The following USP34 variants were observed in gnomAD, a reference collection of about 807,000 sequenced individuals.
USP34 encodes ubiquitin specific peptidase 34, also known as ubiquitin carboxyl-terminal hydrolase 34.
Under a neutral mutation model 460.3 loss-of-function variants are expected in USP34, and 70 were observed. The observed-to-expected ratio is 0.15, with a 90% CI of 0.13 to 0.19. The LOEUF (loss-of-function observed/expected upper bound fraction) is 0.19. Among genes scored for constraint, USP34 ranks in the 10% least tolerant of loss-of-function variants. The pLI, the probability that USP34 is intolerant of heterozygous loss-of-function variation, is 1.00. For synonymous variants in USP34, 1,647 were observed against 1,405.3 expected (o/e 1.17, Z -3.85); for missense variants, 3,985 against 4,236.2 (o/e 0.94, Z 1.65).
chr2:61,278,471 A>T, intron 39 of USP34, 28 bp from the exon 40 acceptor site: 1 of 1,464,312 alleles, frequency 6.8e-7, no homozygotes, highest in South Asian at 1.4e-5. Flanking sequence ...ATAAAAATTC[A>T]AATATAAATT....
At chr2:61,323,174 G>C (rs896388289) in intron 21 of USP34, among the ~76,000 whole-genome samples, 2 of 152,252 alleles carry the variant, frequency 1.3e-5, no homozygotes, top group East Asian at 3.9e-4. Flanking sequence ...GAGTCCATGA[G>C]TTTCAGACCA....
At chr2:61,315,182 CAT>C (rs1690704953) in intron 23 of USP34, among the ~76,000 whole-genome samples, 1 of 152,148 alleles carries the variant, frequency 6.6e-6, no homozygotes, top group African/African-American at 2.4e-5. Context: ...ACAATATATA[CAT>C]GTTTAACTCA....
chr2:61,294,995 G>T lies in USP34; in HGVS notation c.4415C>A (p.Ser1472Ter). The change falls in exon 32 of 80, where the codon TCA (serine) becomes TAA (stop). Residue 1472 changes from serine (S) to a stop codon, truncating the protein, a stop_gained. Transcript: ENST00000398571. LOFTEE classifies it high-confidence loss of function. ...ACTATTTTCCACTTGATCTTCACTT[G>T]AATCATCTGAATCTGGATAAAGATC... is the stretch of plus-strand genomic sequence containing the variant. Reference protein sequence around the residue: ...YSDLYPDSDDSSEDQVENSKN... With the variant: ...YSDLYPDSDD 6.2e-7 allele frequency: 1 copy of T among 1,612,998 alleles called. No individual in the cohort carries two copies. Among genetic ancestry groups the T allele is most frequent in the Non-Finnish European group, 8.5e-7 (1 of 1,179,602 alleles).
intron 41 of USP34, among the ~76,000 whole-genome samples, chr2:61,269,425 C>A (rs150939743): frequency 1.9e-4 from 28 of 151,026 alleles, no homozygotes; most frequent in African/African-American, 6.8e-4. Context: ...CTCGACCTTA[C>A]AAAGTGCTGG....
chr2:61,304,627 G>C (rs576726230), intron 27 of USP34, among the ~76,000 whole-genome samples: 1 of 152,354 alleles, frequency 6.6e-6, no homozygotes, highest in South Asian at 2.1e-4. Context: ...CACTATCTAT[G>C]AGAAAGCTGT....
intron 12 of USP34, among the ~76,000 whole-genome samples, chr2:61,349,957 A>G (rs1353826318): frequency 6.6e-6 from 1 of 152,208 alleles, no homozygotes; most frequent in African/African-American, 2.4e-5. Flanking sequence ...TCTACTCTTA[A>G]AATTATTTCT....
At chr2:61,463,461 C>G (rs531687642) in intron 1 of USP34, among the ~76,000 whole-genome samples, 2 of 152,246 alleles carry the variant, frequency 1.3e-5, no homozygotes, top group East Asian at 3.9e-4. Context: ...ACATAAAACA[C>G]GGTCAGTAAT....
At chr2:61,314,498 A>C (rs936625811) in intron 25 of USP34, 87 bp downstream of exon 25, 8 of 1,246,298 alleles carry the variant, frequency 6.4e-6, no homozygotes, top group Non-Finnish European at 8.4e-6. Context: ...CCCCAACAAA[A>C]ACTTTAGATT....
At chr2:61,201,302 G>A (rs941810820) in intron 75 of USP34, among the ~76,000 whole-genome samples, 11 of 138,148 alleles carry the variant, frequency 8.0e-5, no homozygotes, top group African/African-American at 3.0e-4. Context: ...GGCAACCTCC[G>A]CCTCCCAGGT....
intron 67 of USP34, among the ~76,000 whole-genome samples, chr2:61,215,039 C>T (rs1478299494): frequency 1.3e-5 from 2 of 152,170 alleles, no homozygotes; most frequent in African/African-American, 4.8e-5. Flanking sequence ...CATTTGCAGT[C>T]AGAAGACCTA....
chr2:61,395,976 G>A (rs1245701288), intron 3 of USP34, among the ~76,000 whole-genome samples: 1 of 150,718 alleles, frequency 6.6e-6, no homozygotes, highest in Non-Finnish European at 1.5e-5. Flanking sequence ...AGAATGGCTT[G>A]AACCTGGGAG....
intron 33 of USP34, among the ~76,000 whole-genome samples, chr2:61,289,981 C>T (rs1572903919): frequency 6.6e-6 from 1 of 152,074 alleles, no homozygotes; most frequent in East Asian, 1.9e-4. Flanking sequence ...GGCTTGTCCC[C>T]ATACACACAT....
intron 1 of USP34, among the ~76,000 whole-genome samples, chr2:61,449,815 C>A (rs192137238): frequency 6.7e-6 from 1 of 149,830 alleles, no homozygotes; most frequent in Admixed American, 6.6e-5. Flanking sequence ...CGCCTGTAAT[C>A]CCAGCACTTT....
intron 34 of USP34, among the ~76,000 whole-genome samples, chr2:61,287,467 A>C (rs1332107724): frequency 6.6e-6 from 1 of 152,218 alleles, no homozygotes; most frequent in Non-Finnish European, 1.5e-5. Context: ...CTTGAACAAC[A>C]CAGGTCTGAA....
intron 18 of USP34, among the ~76,000 whole-genome samples, chr2:61,337,197 A>G (rs930216554): frequency 6.6e-6 from 1 of 152,180 alleles, no homozygotes; most frequent in African/African-American, 2.4e-5. Context: ...GCTATTACCC[A>G]GTCTACTAAA....
In USP34 at chr2:61,349,249, C is replaced by T. The variant is rs775362581; in HGVS notation, c.1543+1G>A. 3.7e-6 allele frequency: 6 copies of T among 1,612,266 alleles called. No homozygotes were observed. Among genetic ancestry groups the T allele is most frequent in the Middle Eastern group, 1.6e-4 (1 of 6,064 alleles). On this transcript the variant is annotated splice_donor_variant, in intron 13 of 79. Coordinates refer to ENST00000398571, the MANE Select transcript of USP34 (RefSeq NM_014709.4). LOFTEE classifies it high-confidence loss of function. ...CCATGAATTTCTAAGGCTCAACTTA[C>T]AAGGTGATGGAGCTGTTCTTCTAAG... is the stretch of plus-strand genomic sequence containing the variant.
chr2:61,213,592 C>G (rs1011937019), intron 68 of USP34, among the ~76,000 whole-genome samples: 6 of 152,160 alleles, frequency 3.9e-5, no homozygotes, highest in African/African-American at 1.4e-4. Flanking sequence ...CGATTGATCT[C>G]TTAAGCATTT....
chr2:61,295,358 C>A (rs1689992775), intron 30 of USP34, 68 bp from the exon 31 acceptor site: 3 of 1,483,750 alleles, frequency 2.0e-6, no homozygotes, highest in Admixed American at 4.9e-5. Context: ...AAACTTTAAA[C>A]AAACTGACAC....
At chr2:61,417,414 T>G (rs1247768358) in intron 2 of USP34, 2 of 451,126 alleles carry the variant, frequency 4.4e-6, no homozygotes, top group Non-Finnish European at 8.3e-6. Flanking sequence ...TTGTGACAGC[T>G]ATATGACTGT....
Sources: allele counts gnomAD v4.1 joint callset (sites outside exome capture counted in the v4.1 genomes callset), GRCh38; gene constraint gnomAD v4.1.1; transcripts MANE v1.5; gene names NCBI Gene and HGNC (gene_info 2026-07-23, HGNC 2026-07-21).